Variants in PDPR observed in about 807,000 individuals in gnomAD.
PDPR encodes pyruvate dehydrogenase phosphatase regulatory subunit, also known as pyruvate dehydrogenase phosphatase regulatory subunit, mitochondrial.
PDPR carries 50 observed loss-of-function variants against 102.2 expected under a neutral mutation model. That is an observed-to-expected ratio of 0.49 (90% CI 0.39 to 0.62). The LOEUF (loss-of-function observed/expected upper bound fraction) is 0.62, where lower values mean the gene tolerates loss of function less well. PDPR is among the 20% of genes least tolerant of loss of function. The pLI, the probability that PDPR is intolerant of heterozygous loss-of-function variation, is 0.00. For missense variants in PDPR, 625 were observed against 1,098.2 expected (o/e 0.57, Z 6.09); for synonymous variants, 259 against 406.0 (o/e 0.64, Z 4.35).
chr16:70,150,925 G>C (rs1313239970), intron 17 of PDPR, among the ~76,000 whole-genome samples: 1 of 152,220 alleles, frequency 6.6e-6, no homozygotes, highest in Non-Finnish European at 1.5e-5. Flanking sequence ...GACCACAGAT[G>C]CCCAGCTATC....
intron 11 of PDPR, among the ~76,000 whole-genome samples, chr16:70,140,552 C>T (rs1965604349): frequency 6.6e-6 from 1 of 152,170 alleles, no homozygotes; most frequent in Non-Finnish European, 1.5e-5. Flanking sequence ...GGCGCAGTGG[C>T]TCAAGCCTGT....
intron 18 of PDPR, 38 bp downstream of exon 18, chr16:70,153,611 C>A: frequency 6.5e-7 from 1 of 1,543,424 alleles, no homozygotes; most frequent in Non-Finnish European, 8.8e-7. Context: ...CACTCAGCAT[C>A]CCGAGTAGTG....
At chr16:70,135,085 A>G (rs772905761) in intron 9 of PDPR, among the ~76,000 whole-genome samples, 19 of 152,326 alleles carry the variant, frequency 1.2e-4, no homozygotes, top group African/African-American at 4.3e-4. Context: ...ACCTGGCGAG[A>G]GTAGTATGAT....
At chr16:70,124,882 T>C (rs1453437574) in intron 3 of PDPR, among the ~76,000 whole-genome samples, 1 of 152,276 alleles carries the variant, frequency 6.6e-6, no homozygotes, top group African/African-American at 2.4e-5. Flanking sequence ...TACTGAGTGA[T>C]AAATAATTTG....
chr16:70,150,820 A>G (rs1966676080), intron 17 of PDPR, among the ~76,000 whole-genome samples: 1 of 152,220 alleles, frequency 6.6e-6, no homozygotes, highest in Non-Finnish European at 1.5e-5. Flanking sequence ...CTTATTTATT[A>G]CTATTTTTTA....
At chr16:70,125,891 C>A (rs1963912321) in intron 3 of PDPR, among the ~76,000 whole-genome samples, 1 of 152,254 alleles carries the variant, frequency 6.6e-6, no homozygotes, top group South Asian at 2.1e-4. Context: ...GCCTCAGCCT[C>A]CCAAAGTGCT....
intron 7 of PDPR, 67 bp downstream of exon 7, chr16:70,130,611 A>G (rs2152078825): frequency 1.9e-6 from 3 of 1,586,710 alleles, no homozygotes; most frequent in Non-Finnish European, 2.6e-6. Flanking sequence ...GGTGTAGAGA[A>G]GTAAGATTAG....
chr16:70,127,808 T>C (rs1282186944), intron 4 of PDPR, among the ~76,000 whole-genome samples: 1 of 152,290 alleles, frequency 6.6e-6, no homozygotes, highest in African/African-American at 2.4e-5. Flanking sequence ...AGGAATTGGC[T>C]CTGGCCAACT....
chr16:70,148,958 G>GAC, intron 17 of PDPR, among the ~76,000 whole-genome samples: 1 of 151,154 alleles, frequency 6.6e-6, no homozygotes, highest in Admixed American at 6.6e-5. Flanking sequence ...GCAATGGCAT[G>GAC]ACCGTGGCTC....
rs539614759 is a variant in PDPR at position 70,153,943 on chromosome 16, G to A, written c.2235+370G>A. Among the ~76,000 whole-genome samples, 63 of 152,384 alleles carry A rather than the reference G, an allele frequency of 4.1e-4. No individual in the cohort carries two copies. The South Asian group carries it at 0.012, about 30-fold the overall frequency. On this transcript the variant is annotated intron_variant, in intron 18 of 18. Transcript: ENST00000288050. ...ACCTGTAATCCCAACACTTTGGGAG[G>A]CCAAGGCGGGCGGATCACAAGTTCA...
Position 70,156,497 on chromosome 16 carries a change from A to C in PDPR, c.2258A>C (p.Asp753Ala), listed in dbSNP as rs1383218104. 1.9e-6 allele frequency: 3 copies of C among 1,613,748 alleles called. No homozygotes were observed. Among genetic ancestry groups the C allele is most frequent in the Non-Finnish European group, 2.5e-6 (3 of 1,179,692 alleles). Residue 753 changes from aspartate to alanine, a missense_variant, in exon 19 of 19, where the codon GAC becomes GCC. By Grantham distance (126) the Asp-to-Ala change is moderately radical (BLOSUM62 -2). Coordinates refer to ENST00000288050, the MANE Select transcript of PDPR (RefSeq NM_017990.5). ...TAGGGCATGGATTTCATTGGTCGCG[A>C]CGCCCTCCTGCAGCAGAAGCAGAAT... ...LEKGMDFIGR[D>A]ALLQQKQNGV...
rs1228393284 is a variant in PDPR at position 70,119,632 on chromosome 16, G to A, written c.-32-829G>A. Among the ~76,000 whole-genome samples, 8 of 149,226 alleles carry A rather than the reference G, an allele frequency of 5.4e-5. 1 individual carries two copies. The highest frequency in any genetic ancestry group is 1.8e-4 in the African/African-American group (7 of 39,216). On this transcript the variant is annotated intron_variant, in intron 2 of 18. Coordinates refer to ENST00000288050, the MANE Select transcript of PDPR (RefSeq NM_017990.5). ...TCAGTGTCTGCCAAATGTATAGCTC[G>A]TTCCTTATCCTTCAGGTCTGTTTCC...
At chr16:70,131,077 A>G (rs900231913) in intron 7 of PDPR, among the ~76,000 whole-genome samples, 1 of 152,218 alleles carries the variant, frequency 6.6e-6, no homozygotes, top group Admixed American at 6.6e-5. Flanking sequence ...TCCTTTGACT[A>G]GCTGGTAAAT....
chr16:70,142,157 A>C, intron 11 of PDPR, 77 bp from the exon 12 acceptor site: 6 of 1,494,870 alleles, frequency 4.0e-6, no homozygotes, highest in South Asian at 2.5e-5. Flanking sequence ...AAACAACTCC[A>C]GAGTCTAGTG....
intron 9 of PDPR, among the ~76,000 whole-genome samples, chr16:70,133,874 C>T (rs1263950504): frequency 1.3e-5 from 2 of 152,304 alleles, no homozygotes; most frequent in African/African-American, 2.4e-5. Context: ...GCTGGGATTA[C>T]AGACATGCGC....
intron 16 of PDPR, chr16:70,147,745 C>T (rs1296882922): frequency 1.4e-5 from 5 of 363,996 alleles, no homozygotes; most frequent in Non-Finnish European, 2.7e-5. Flanking sequence ...CACAGTTTTC[C>T]TTCTTCTCCG....
chr16:70,146,062 T>C, intron 15 of PDPR, 72 bp from the exon 16 acceptor site: 1 of 1,595,746 alleles, frequency 6.3e-7, no homozygotes, highest in Non-Finnish European at 8.6e-7. Flanking sequence ...TGAGCAAGTC[T>C]ACAGTAGACC....
intron 9 of PDPR, among the ~76,000 whole-genome samples, chr16:70,134,288 C>T (rs139888956): frequency 0.024 from 3,667 of 151,116 alleles, 38 homozygotes; most frequent in African/African-American, 0.084. Flanking sequence ...TGCAGTGGTG[C>T]GATCTTAGCT....
rs374571678 is a variant in PDPR at position 70,155,564 on chromosome 16, T to C, written c.2236-911T>C. ...GAGAAGGCATTTTTGTATTTTTTCT[T>C]TTTTTAGTAGAGATGGGGTTTCTCC... On this transcript the variant is annotated intron_variant, in intron 18 of 18. Transcript: ENST00000288050. 3.2e-3 allele frequency among the ~76,000 whole-genome samples: 484 copies of C among 152,248 alleles called. 1 individual carries two copies. The highest frequency in any genetic ancestry group is 0.01 in the African/African-American group (432 of 41,474).
Sources: allele counts gnomAD v4.1 joint callset (sites outside exome capture counted in the v4.1 genomes callset), GRCh38; gene constraint gnomAD v4.1.1; transcripts MANE v1.5; gene names NCBI Gene and HGNC (gene_info 2026-07-23, HGNC 2026-07-21).